KCNK12: variants seen among roughly 807,000 people sequenced by gnomAD.
KCNK12 encodes the protein potassium channel subfamily K member 12.
KCNK12 carries 6 observed loss-of-function variants against 25.3 expected under a neutral mutation model. The observed-to-expected ratio is 0.24, with a 90% CI of 0.13 to 0.47. The LOEUF (loss-of-function observed/expected upper bound fraction) is 0.47. Among genes scored for constraint, KCNK12 ranks in the 20% least tolerant of loss-of-function variants. KCNK12 has a pLI of 0.99. For missense variants in KCNK12, 444 were observed against 661.7 expected (o/e 0.67, Z 3.61); for synonymous variants, 331 against 311.1 (o/e 1.06, Z -0.67).
chr2:47,569,934 C>A lies in KCNK12; in HGVS notation c.391+7G>T. The A allele has an allele frequency of 1.4e-6, 2 of 1,379,504 alleles. No individual in the cohort carries two copies. Among genetic ancestry groups the A allele is most frequent in the Middle Eastern group, 2.7e-4 (1 of 3,652 alleles). The allele number at this position is 1,379,504 out of a possible 1,614,324, so 85.5% of individuals were successfully genotyped here. A position where few individuals can be genotyped will look rare whatever the true frequency, so the allele number is the denominator to read the frequency against. Reference sequence around the variant, plus strand: ...GAGGAAAGATGCGCGGGGGACGCGCCGCTCACCTATGGTTGACACCACGGT... The same window carrying A: ...GAGGAAAGATGCGCGGGGGACGCGCAGCTCACCTATGGTTGACACCACGGT... On this transcript the variant is annotated splice_region_variant and intron_variant, in intron 1 of 1. Coordinates refer to ENST00000327876, the MANE Select transcript of KCNK12 (RefSeq NM_022055.2). This position sits in a 1 kb window ranked among gnomAD's most constrained non-coding sequence, Gnocchi z 4.1.
intron 1 of KCNK12, among the ~76,000 whole-genome samples, chr2:47,552,773 A>C (rs1669465679): frequency 6.6e-6 from 1 of 152,060 alleles, no homozygotes; most frequent in South Asian, 2.1e-4. Context: ...GGCTCCAAAA[A>C]AAAGAAAAAA....
rs957977165 is a variant in KCNK12 at position 47,556,835 on chromosome 2, A to G, written c.391+13106T>C. 1.8e-4 allele frequency among the ~76,000 whole-genome samples: 27 copies of G among 152,222 alleles called. No individual in the cohort carries two copies. Among genetic ancestry groups the G allele is most frequent in the Non-Finnish European group, 1.5e-4 (10 of 68,036 alleles). On this transcript the variant is annotated intron_variant, in intron 1 of 1. Transcript: ENST00000327876. This position sits in a 1 kb window ranked among gnomAD's most constrained non-coding sequence, Gnocchi z 4.8. Reference sequence around the variant, plus strand: ...AAACAGGGTGATATCAGAGGATGGGAGCTGGAAGCATGGGAGGTGGTGGTC... The same window carrying G: ...AAACAGGGTGATATCAGAGGATGGGGGCTGGAAGCATGGGAGGTGGTGGTC...
rs966976688 is a variant in KCNK12 at position 47,516,697 on chromosome 2, C to G, written c.*4210G>C. Reference sequence around the variant, plus strand: ...ACCCTGCAGGCTTGTCCCGCATGCTCTAGCCCCCTCCTGAGAGAACAGATA... The same window carrying G: ...ACCCTGCAGGCTTGTCCCGCATGCTGTAGCCCCCTCCTGAGAGAACAGATA... On this transcript the variant is annotated 3_prime_UTR_variant, in exon 2 of 2. Transcript: ENST00000327876. The G allele has an allele frequency of 6.6e-6, 1 of 152,238 alleles. No homozygotes were observed. Among genetic ancestry groups the G allele is most frequent in the African/African-American group, 2.4e-5 (1 of 41,444 alleles). 9.4% of individuals were successfully genotyped at this position (152,238 alleles called of 1,614,324 possible).
chr2:47,555,542 C>T lies in KCNK12; in HGVS notation c.391+14399G>A, dbSNP rs912855271. 6.6e-6 allele frequency among the ~76,000 whole-genome samples: 1 copy of T among 152,228 alleles called. No homozygotes were observed. Among genetic ancestry groups the T allele is most frequent in the African/African-American group, 2.4e-5 (1 of 41,460 alleles). On this transcript the variant is annotated intron_variant, in intron 1 of 1. Coordinates refer to ENST00000327876, the MANE Select transcript of KCNK12 (RefSeq NM_022055.2). This position sits in a 1 kb window ranked among gnomAD's most constrained non-coding sequence, Gnocchi z 4.5. ...AATTTACCACTTCTAGAAGTCCAAA[C>T]TCCTTTTATCTCATCATTACTTCAC... is the stretch of plus-strand genomic sequence containing the variant.
chr2:47,529,019 G>A lies in KCNK12; in HGVS notation c.392-7211C>T, dbSNP rs552653011. ...AGCATTCACTGAAGTTAGTTTGTAC[G>A]TGGCTGAGCTGGCCCTGAAGCCCAT... On this transcript the variant is annotated intron_variant, in intron 1 of 1. Transcript: ENST00000327876. This position sits in a 1 kb window ranked among gnomAD's most constrained non-coding sequence, Gnocchi z 4.3. The A allele has an allele frequency of 2.0e-5, 3 of 152,380 alleles. No homozygotes were observed. The highest frequency in any genetic ancestry group is 7.2e-5 in the African/African-American group (3 of 41,582). The allele number at this position is 152,380 out of a possible 1,614,324, so 9.4% of individuals were successfully genotyped here.
Position 47,569,963 on chromosome 2 carries a change from C to A in KCNK12, c.369G>T (p.Val123=). 7.0e-7 allele frequency: 1 copy of A among 1,428,852 alleles called. No homozygotes were observed. Among genetic ancestry groups the A allele is most frequent in the South Asian group, 1.5e-5 (1 of 68,014 alleles). The allele number at this position is 1,428,852 out of a possible 1,614,324, so 88.5% of individuals were successfully genotyped here. The part of the protein sequence containing the change: ...RWDFPGAFYF[V]GTVVSTIGFG... ...CACCTATGGTTGACACCACGGTGCC[C>A]ACGAAGTAGAAGGCGCCGGGGAAGT... Residue 123 remains valine, a synonymous_variant, in exon 1 of 2, where the codon GTG becomes GTT. Transcript: ENST00000327876. The surrounding 1 kb of genome is among the most constrained non-coding windows in gnomAD (Gnocchi z 4.1).
chr2:47,569,713 C>A lies in KCNK12; in HGVS notation c.391+228G>T, dbSNP rs1477772854. Among the ~76,000 whole-genome samples the A allele has an allele frequency of 1.3e-5, 2 of 152,118 alleles. No individual in the cohort carries two copies. Among genetic ancestry groups the A allele is most frequent in the Non-Finnish European group, 1.5e-5 (1 of 68,004 alleles). ...GAGCCGGCCAGTGTTGGAGCACAGG[C>A]GGCCCGGGGTGAGCGCCAGAGGTGG... On this transcript the variant is annotated intron_variant, in intron 1 of 1. Coordinates refer to ENST00000327876, the MANE Select transcript of KCNK12 (RefSeq NM_022055.2). The surrounding 1 kb of genome is among the most constrained non-coding windows in gnomAD (Gnocchi z 4.1).
At position 47,529,645 on chromosome 2, in the gene KCNK12, C is replaced by G. The variant is rs1237640866; in HGVS notation, c.392-7837G>C. Among the ~76,000 whole-genome samples, 6 of 152,190 alleles carry G rather than the reference C, an allele frequency of 3.9e-5. No homozygotes were observed. Among genetic ancestry groups the G allele is most frequent in the Admixed American group, 3.9e-4 (6 of 15,292 alleles). On this transcript the variant is annotated intron_variant, in intron 1 of 1. Transcript: ENST00000327876. This position sits in a 1 kb window ranked among gnomAD's most constrained non-coding sequence, Gnocchi z 4.3. ...CCAATCAGGATAATCCAGTTCCTTA[C>G]CATGACTGGCTCAAGAATGGGTAGA...
Position 47,521,729 on chromosome 2 carries a change from G to A in KCNK12, c.471C>T (p.Thr157=). The A allele has an allele frequency of 6.3e-7, 1 of 1,590,922 alleles. No homozygotes were observed. ...CCAGGAAGAGGTTGAAGAACAGGATGGTCCCAGCGCAGCCGAACAGCCCGT... is the reference window on the plus strand; with the variant it reads ...CCAGGAAGAGGTTGAAGAACAGGATAGTCCCAGCGCAGCCGAACAGCCCGT... ...IAYGLFGCAG[T]ILFFNLFLER... The change falls in exon 2 of 2, where the codon ACC becomes ACT. Residue 157 remains threonine (T), a synonymous_variant. Transcript: ENST00000327876.
rs1000615895 is a variant in KCNK12, at chr2:47,511,529, C to G, written c.*9378G>C. 6.6e-6 allele frequency among the ~76,000 whole-genome samples: 1 copy of G among 152,164 alleles called. No individual in the cohort carries two copies. Among genetic ancestry groups the G allele is most frequent in the African/African-American group, 2.4e-5 (1 of 41,438 alleles). On this transcript the variant is annotated 3_prime_UTR_variant, in exon 2 of 2. Transcript: ENST00000327876. This position sits in a 1 kb window ranked among gnomAD's most constrained non-coding sequence, Gnocchi z 4.3. ...CTTCCATATTACAGAGAGATGCCCA[C>G]AGTGCATGACGTTACCCGCACAGGT... is the stretch of plus-strand genomic sequence containing the variant.
chr2:47,561,775 C>T (rs1211556355), intron 1 of KCNK12, among the ~76,000 whole-genome samples: 1 of 152,154 alleles, frequency 6.6e-6, no homozygotes, highest in Non-Finnish European at 1.5e-5. Flanking sequence ...TATCCACTCA[C>T]CAGAACCACA....
Position 47,529,849 on chromosome 2 carries a change from G to T in KCNK12, c.392-8041C>A, listed in dbSNP as rs1391562690. ...AGTTAAATATGACTTGGGTAAACAAGAAATCATTTTTTAAGTATAAGTATG... is the reference window on the plus strand; with the variant it reads ...AGTTAAATATGACTTGGGTAAACAATAAATCATTTTTTAAGTATAAGTATG... On this transcript the variant is annotated intron_variant, in intron 1 of 1. Transcript: ENST00000327876. The surrounding 1 kb of genome is among the most constrained non-coding windows in gnomAD (Gnocchi z 4.3). 1.3e-5 allele frequency among the ~76,000 whole-genome samples: 2 copies of T among 152,154 alleles called. No individual in the cohort carries two copies. The highest frequency in any genetic ancestry group is 1.5e-5 in the Non-Finnish European group (1 of 68,008).
At chr2:47,549,265 T>C (rs572933645) in intron 1 of KCNK12, among the ~76,000 whole-genome samples, 1 of 152,148 alleles carries the variant, frequency 6.6e-6, no homozygotes, top group Non-Finnish European at 1.5e-5. Flanking sequence ...GAGAAAAGAC[T>C]CCTTTAGACC....
intron 1 of KCNK12, among the ~76,000 whole-genome samples, chr2:47,568,361 AT>A (rs1014898858): frequency 2.6e-5 from 4 of 150,974 alleles, no homozygotes; most frequent in Non-Finnish European, 5.9e-5. Flanking sequence ...TTAAAAGGGG[AT>A]TTTTTTTGAG....
chr2:47,532,512 C>G (rs1668956180), intron 1 of KCNK12, among the ~76,000 whole-genome samples: 2 of 152,184 alleles, frequency 1.3e-5, no homozygotes, highest in African/African-American at 4.8e-5. Context: ...CAGGCACCCA[C>G]CACCACACCT....
At chr2:47,532,396 C>G (rs143863251) in intron 1 of KCNK12, among the ~76,000 whole-genome samples, 2 of 152,190 alleles carry the variant, frequency 1.3e-5, no homozygotes, top group African/African-American at 4.8e-5. Flanking sequence ...GGATCTTGCT[C>G]TGTCACCCAG....
intron 1 of KCNK12, among the ~76,000 whole-genome samples, chr2:47,541,158 A>G (rs1313612202): frequency 6.6e-6 from 1 of 151,570 alleles, no homozygotes; most frequent in Non-Finnish European, 1.5e-5. Flanking sequence ...TACATCCCTC[A>G]CCCTTTTCCA....
intron 1 of KCNK12, among the ~76,000 whole-genome samples, chr2:47,549,252 C>A (rs62140884): frequency 0.017 from 2,533 of 152,152 alleles, 36 homozygotes; most frequent in South Asian, 0.04. Context: ...TCATCTAGTC[C>A]CAGAGAAAAG....
chr2:47,542,678 C>G (rs2104819358), intron 1 of KCNK12, among the ~76,000 whole-genome samples: 1 of 152,286 alleles, frequency 6.6e-6, no homozygotes, highest in South Asian at 2.1e-4. Context: ...CACTGCCACA[C>G]TGTGACCCTT....
Sources: allele counts gnomAD v4.1 joint callset (sites outside exome capture counted in the v4.1 genomes callset), GRCh38; gene constraint gnomAD v4.1.1; non-coding constraint Gnocchi (gnomAD v3.1); transcripts MANE v1.5; gene names NCBI Gene and HGNC (gene_info 2026-07-23, HGNC 2026-07-21).